The following TNFAIP1 variants were observed in gnomAD, a reference collection of about 807,000 sequenced individuals.
TNFAIP1 encodes TNF alpha induced protein 1.
TNFAIP1 carries 20 observed loss-of-function variants against 32.6 expected under a neutral mutation model. The observed-to-expected ratio is 0.61, with a 90% CI of 0.43 to 0.89. TNFAIP1 has a LOEUF of 0.89. Ranked by LOEUF, TNFAIP1 falls within the 40% of genes least tolerant of loss-of-function variation. The probability of loss-of-function intolerance (pLI) is 0.00; values close to 1 mark genes in which losing one functional copy is unlikely to be tolerated. For missense variants in TNFAIP1, 319 were observed against 425.1 expected, an observed-to-expected ratio of 0.75 and a Z score of 2.20; for synonymous variants, 166 against 166.8, an observed-to-expected ratio of 1.00 and a Z score of 0.04.
intron 3 of TNFAIP1, 94 bp from the exon 4 acceptor site, chr17:28,341,143 C>A: frequency 7.8e-7 from 1 of 1,288,230 alleles, no homozygotes; most frequent in Non-Finnish European, 1.1e-6. Flanking sequence ...CACCAAGCAG[C>A]GGGTGGCCAT....
chr17:28,339,974 TA>T (rs1179037034), intron 2 of TNFAIP1, among the ~76,000 whole-genome samples: 1 of 152,236 alleles, frequency 6.6e-6, no homozygotes, highest in Non-Finnish European at 1.5e-5. Context: ...GCCGTCACCT[TA>T]AGACTGGGCA....
chr17:28,336,502 C>T (rs1226024442), intron 1 of TNFAIP1: 1 of 152,236 alleles, frequency 6.6e-6, no homozygotes, highest in African/African-American at 2.4e-5. Flanking sequence ...GCTCTGGATC[C>T]GCCGACCTCT....
Position 28,341,405 on chromosome 17 carries a change from C to T in TNFAIP1, c.467C>T (p.Pro156Leu). The T allele has an allele frequency of 1.2e-6, 2 of 1,614,220 alleles. No individual in the cohort carries two copies. The highest frequency in any genetic ancestry group is 1.7e-6 in the Non-Finnish European group (2 of 1,180,038). ...EERLIESSTK[P>L]VVKLLYNRSN... is the part of the protein sequence containing the mutation. ...CCCTCACTCTGAACTCCTTCACAGC[C>T]CGTGGTGAAGCTGCTGTACAACAGA... The change falls in exon 5 of 7, where the codon CCC (proline) becomes CTC (leucine). Residue 156 changes from proline (P) to leucine (L), a missense_variant and splice_region_variant. Coordinates refer to ENST00000226225, the MANE Select transcript of TNFAIP1 (RefSeq NM_021137.5).
At chr17:28,336,848 C>G (rs1907187158) in intron 1 of TNFAIP1, among the ~76,000 whole-genome samples, 1 of 152,196 alleles carries the variant, frequency 6.6e-6, no homozygotes, top group African/African-American at 2.4e-5. Context: ...GACATTCTTC[C>G]CAGGGACTTA....
chr17:28,342,106 T>C lies in TNFAIP1; in HGVS notation c.519-141T>C. 1 of 748,718 alleles carries C rather than the reference T, an allele frequency of 1.3e-6. No homozygotes were observed. The highest frequency in any genetic ancestry group is 2.0e-6 in the Non-Finnish European group (1 of 488,826). The allele number at this position is 748,718 out of a possible 1,614,324, so 46.4% of individuals were successfully genotyped here. A position where few individuals can be genotyped will look rare whatever the true frequency, so the allele number is the denominator to read the frequency against. On this transcript the variant is annotated intron_variant, in intron 5 of 6. Transcript: ENST00000226225. This position sits in a 1 kb window ranked among gnomAD's most constrained non-coding sequence, Gnocchi z 4.0. ...CCAGAGGGTACCCTATGATCCTTTC[T>C]CTCCTGGCCCCCTGGCATCTTGCTT...
chr17:28,340,223 C>A lies in TNFAIP1; in HGVS notation c.206-86C>A. 1 of 1,461,936 alleles carries A rather than the reference C, an allele frequency of 6.8e-7. No homozygotes were observed. Among genetic ancestry groups the A allele is most frequent in the Non-Finnish European group, 9.4e-7 (1 of 1,060,128 alleles). 90.6% of individuals were successfully genotyped at this position (1,461,936 alleles called of 1,614,324 possible). A position where few individuals can be genotyped will look rare whatever the true frequency, so the allele number is the denominator to read the frequency against. ...TGCTCGTGGACCCCCTTCCCTGCCA[C>A]CTGCCGCCAGCTTGTCAGGTGGCCT... On this transcript the variant is annotated intron_variant, in intron 2 of 6. Coordinates refer to ENST00000226225, the MANE Select transcript of TNFAIP1 (RefSeq NM_021137.5). The surrounding 1 kb of genome is among the most constrained non-coding windows in gnomAD (Gnocchi z 4.1).
Position 28,339,517 on chromosome 17 carries a change from G to C in TNFAIP1, c.-5G>C. On this transcript the variant is annotated 5_prime_UTR_variant, in exon 2 of 7. Transcript: ENST00000226225. The stretch of plus-strand genomic sequence containing the variant: ...TGCCGTGTGGTGATCTACCTGCAGC[G>C]GGAGATGTCGGGGGACACCTGCCTG... The C allele has an allele frequency of 6.3e-7, 1 of 1,591,468 alleles. No individual in the cohort carries two copies.
At position 28,344,278 on chromosome 17, in the gene TNFAIP1, T is replaced by C. The variant is rs1597795770; in HGVS notation, c.715-86T>C. 7.4e-6 allele frequency: 9 copies of C among 1,211,382 alleles called. No homozygotes were observed. The East Asian group carries it at 1.6e-4, about 22-fold the overall frequency. The allele number at this position is 1,211,382 out of a possible 1,614,324, so 75.0% of individuals were successfully genotyped here. On this transcript the variant is annotated intron_variant, in intron 6 of 6. Coordinates refer to ENST00000226225, the MANE Select transcript of TNFAIP1 (RefSeq NM_021137.5). ...GTTTTATGAGAGGTAGCGGAGGCCT[T>C]ATGGAGCCTCAGGGCCAGCCGCTCT...
chr17:28,337,503 G>A (rs1907221036), intron 1 of TNFAIP1, among the ~76,000 whole-genome samples: 1 of 152,024 alleles, frequency 6.6e-6, no homozygotes, highest in Non-Finnish European at 1.5e-5. Flanking sequence ...CGAGCAGCTG[G>A]GACCACAGGC....
Position 28,342,537 on chromosome 17 carries a change from A to G in TNFAIP1, c.714+95A>G. ...GTGACCAGCACGGAGCAAAAGGGGCATGGACTTGGCTCTTTTTTCCAAACA... is the reference window on the plus strand; with the variant it reads ...GTGACCAGCACGGAGCAAAAGGGGCGTGGACTTGGCTCTTTTTTCCAAACA... On this transcript the variant is annotated intron_variant, in intron 6 of 6. Transcript: ENST00000226225. The surrounding 1 kb of genome is among the most constrained non-coding windows in gnomAD (Gnocchi z 4.0). 7.8e-7 allele frequency: 1 copy of G among 1,274,664 alleles called. No homozygotes were observed. Among genetic ancestry groups the G allele is most frequent in the East Asian group, 2.5e-5 (1 of 39,510 alleles). The allele number at this position is 1,274,664 out of a possible 1,614,324, so 79.0% of individuals were successfully genotyped here. A position where few individuals can be genotyped will look rare whatever the true frequency, so the allele number is the denominator to read the frequency against.
chr17:28,346,932 CA>C lies in TNFAIP1; in HGVS notation c.*2333del, dbSNP rs1467397549. On this transcript the variant is annotated 3_prime_UTR_variant, in exon 7 of 7. Transcript: ENST00000226225. The stretch of plus-strand genomic sequence containing the variant: ...GCAGGAAAGAATTTTTCCTTTATCA[CA>C]TAACTGTAATATTTGGTTGCTCAGC... 6.6e-6 allele frequency: 1 copy of C among 152,216 alleles called. No homozygotes were observed. Among genetic ancestry groups the C allele is most frequent in the Non-Finnish European group, 1.5e-5 (1 of 68,044 alleles). The allele number at this position is 152,216 out of a possible 1,614,324, so 9.4% of individuals were successfully genotyped here.
intron 6 of TNFAIP1, among the ~76,000 whole-genome samples, chr17:28,343,713 C>T (rs551106736): frequency 2.6e-5 from 4 of 151,876 alleles, no homozygotes; most frequent in Non-Finnish European, 4.4e-5. Context: ...CTGTGAGACA[C>T]GCAGGGCTAG....
chr17:28,336,107 C>T (rs1907138802), intron 1 of TNFAIP1, among the ~76,000 whole-genome samples: 2 of 152,284 alleles, frequency 1.3e-5, no homozygotes, highest in African/African-American at 2.4e-5. Context: ...ACCTTTACAC[C>T]TAGGGTTTCT....
In TNFAIP1 at chr17:28,340,591, T is replaced by C. The variant is rs532429121; in HGVS notation, c.375+113T>C. On this transcript the variant is annotated intron_variant, in intron 3 of 6. Transcript: ENST00000226225. This position sits in a 1 kb window ranked among gnomAD's most constrained non-coding sequence, Gnocchi z 4.1. ...TTGTGTGGGAGGCGTGGTTGATGAG[T>C]GCAAACCTAATGAGACAAGTGAGAT... 1.7e-5 allele frequency: 21 copies of C among 1,262,700 alleles called. No individual in the cohort carries two copies. The Admixed American group carries it at 2.5e-4, about 15-fold the overall frequency. 78.2% of individuals were successfully genotyped at this position (1,262,700 alleles called of 1,614,324 possible). A position where few individuals can be genotyped will look rare whatever the true frequency, so the allele number is the denominator to read the frequency against.
Position 28,344,675 on chromosome 17 carries a change from T to C in TNFAIP1, c.*75T>C, listed in dbSNP as rs1409155866. 2 of 1,424,288 alleles carry C rather than the reference T, an allele frequency of 1.4e-6. No individual in the cohort carries two copies. Among genetic ancestry groups the C allele is most frequent in the East Asian group, 2.3e-5 (1 of 43,728 alleles). 88.2% of individuals were successfully genotyped at this position (1,424,288 alleles called of 1,614,324 possible). A position where few individuals can be genotyped will look rare whatever the true frequency, so the allele number is the denominator to read the frequency against. On this transcript the variant is annotated 3_prime_UTR_variant, in exon 7 of 7. Coordinates refer to ENST00000226225, the MANE Select transcript of TNFAIP1 (RefSeq NM_021137.5). The stretch of plus-strand genomic sequence containing the variant: ...GGAACCCGCCCCATTGGCCACCCCA[T>C]GCTGCTGCTGCCTGGGTCTCTGCTC...
In TNFAIP1 at chr17:28,346,304, ACTT is replaced by A. The variant is rs1907560661; in HGVS notation, c.*1708_*1710del. On this transcript the variant is annotated 3_prime_UTR_variant, in exon 7 of 7. Transcript: ENST00000226225. Reference sequence around the variant, plus strand: ...GAGGTAACAAGATAAAGACAAATCCACTTCTTTGGCCAAATTCAGGCTTTGGCT... The same window carrying A: ...GAGGTAACAAGATAAAGACAAATCCACTTTGGCCAAATTCAGGCTTTGGCT... 1 of 152,106 alleles carries A rather than the reference ACTT, an allele frequency of 6.6e-6. No homozygotes were observed. Among genetic ancestry groups the A allele is most frequent in the African/African-American group, 2.4e-5 (1 of 41,398 alleles). 9.4% of individuals were successfully genotyped at this position (152,106 alleles called of 1,614,324 possible).
At chr17:28,338,194 C>T (rs1907240689) in intron 1 of TNFAIP1, among the ~76,000 whole-genome samples, 2 of 152,204 alleles carry the variant, frequency 1.3e-5, no homozygotes, top group African/African-American at 4.8e-5. Context: ...CTGGTCTTGA[C>T]TCCTGGGCTC....
rs993118161 is a variant in TNFAIP1, at chr17:28,340,284, C to A, written c.206-25C>A. ...CGGAGGTACCTGGCGGCAAACTAAC[C>A]CTGTAGGGCCTTCTGCACCCCTAGG... On this transcript the variant is annotated intron_variant, in intron 2 of 6. Transcript: ENST00000226225. This position sits in a 1 kb window ranked among gnomAD's most constrained non-coding sequence, Gnocchi z 4.1. 1 of 1,608,898 alleles carries A rather than the reference C, an allele frequency of 6.2e-7. No individual in the cohort carries two copies. The highest frequency in any genetic ancestry group is 1.3e-5 in the African/African-American group (1 of 74,886).
intron 1 of TNFAIP1, among the ~76,000 whole-genome samples, chr17:28,337,359 T>A (rs1293752654): frequency 3.3e-5 from 5 of 152,280 alleles, no homozygotes; most frequent in African/African-American, 1.2e-4. Context: ...CCCCCTACTG[T>A]CTGTGCACCA....
Sources: allele counts gnomAD v4.1 joint callset (sites outside exome capture counted in the v4.1 genomes callset), GRCh38; gene constraint gnomAD v4.1.1; non-coding constraint Gnocchi (gnomAD v3.1); transcripts MANE v1.5; gene names NCBI Gene and HGNC (gene_info 2026-07-23, HGNC 2026-07-21).